ISM1: variants seen among roughly 807,000 people sequenced by gnomAD.
ISM1 encodes the protein isthmin-1.
ISM1 carries 25 observed loss-of-function variants against 46.3 expected under a neutral mutation model. That is an observed-to-expected ratio of 0.54 (90% confidence interval 0.39 to 0.75). The LOEUF is 0.75. Ranked by LOEUF, ISM1 falls within the 30% of genes least tolerant of loss-of-function variation. The pLI, the probability that ISM1 is intolerant of heterozygous loss-of-function variation, is 0.00. For missense variants in ISM1, 536 were observed against 625.4 expected, an observed-to-expected ratio of 0.86 and a Z score of 1.52; for synonymous variants, 255 against 256.7, an observed-to-expected ratio of 0.99 and a Z score of 0.06.
Position 13,221,934 on chromosome 20 carries a change from G to A in ISM1, c.138+20G>A. The stretch of plus-strand genomic sequence containing the variant: ...CTGCAGGTGAGTGCGCCGCCGGAGA[G>A]GGCCGTGCGCGGCTGCGGGGACGGT... On this transcript the variant is annotated intron_variant, in intron 1 of 5. Coordinates refer to ENST00000262487, the MANE Select transcript of ISM1 (RefSeq NM_080826.2). The A allele has an allele frequency of 1.5e-6, 2 of 1,320,732 alleles. No homozygotes were observed. Among genetic ancestry groups the A allele is most frequent in the Non-Finnish European group, 1.9e-6 (2 of 1,040,476 alleles). 81.8% of individuals were successfully genotyped at this position (1,320,732 alleles called of 1,614,324 possible).
the ISM1 span, among the ~76,000 whole-genome samples, chr20:13,320,122 A>G: frequency 2.0e-5 from 3 of 152,188 alleles, no homozygotes; most frequent in South Asian, 4.1e-4. Context: ...GTGAGAAGCA[A>G]TCTATACCTC....
chr20:13,298,300 T>G (rs2040425951), intron 5 of ISM1, among the ~76,000 whole-genome samples: 1 of 152,082 alleles, frequency 6.6e-6, no homozygotes, highest in Non-Finnish European at 1.5e-5. Context: ...AGAGACGGGG[T>G]TTCACCTTGT....
At chr20:13,289,260 T>C (rs528208106) in intron 4 of ISM1, among the ~76,000 whole-genome samples, 1 of 152,172 alleles carries the variant, frequency 6.6e-6, no homozygotes, top group Non-Finnish European at 1.5e-5. Flanking sequence ...GTGGGATTTG[T>C]TGTCCCTTGA....
chr20:13,293,881 G>C (rs1327843867), intron 5 of ISM1, among the ~76,000 whole-genome samples: 4 of 152,044 alleles, frequency 2.6e-5, no homozygotes, highest in Non-Finnish European at 5.9e-5. Context: ...GGCTGAGGCA[G>C]GAGAATCACT....
chr20:13,270,055 G>T (rs562134746), intron 1 of ISM1, among the ~76,000 whole-genome samples: 5 of 152,236 alleles, frequency 3.3e-5, no homozygotes, highest in African/African-American at 1.2e-4. Flanking sequence ...TATGGCCCAA[G>T]AACTATATCC....
In ISM1 at chr20:13,231,751, T is replaced by C. The variant is rs528723532; in HGVS notation, c.138+9837T>C. 7.0e-4 allele frequency among the ~76,000 whole-genome samples: 107 copies of C among 152,260 alleles called. No homozygotes were observed. The Middle Eastern group carries it at 0.017, about 24-fold the overall frequency. On this transcript the variant is annotated intron_variant, in intron 1 of 5. Transcript: ENST00000262487. ...ACACCCACATTCCCCATGGAAGAGA[T>C]AGTACTGCGAGGTTCATGGAATAGA...
At chr20:13,247,515 G>A (rs915504267) in intron 1 of ISM1, among the ~76,000 whole-genome samples, 2 of 105,642 alleles carry the variant, frequency 1.9e-5, no homozygotes, top group Non-Finnish European at 2.0e-5. Context: ...AGCAAAGTGA[G>A]GGGTGTGTGT....
At chr20:13,255,943 A>T (rs1263400702) in intron 1 of ISM1, among the ~76,000 whole-genome samples, 3 of 150,626 alleles carry the variant, frequency 2.0e-5, no homozygotes, top group Non-Finnish European at 3.0e-5. Context: ...TTTTGGTGTG[A>T]CTGCAGTTAT....
At chr20:13,240,042 G>A (rs1482906412) in intron 1 of ISM1, among the ~76,000 whole-genome samples, 1 of 152,188 alleles carries the variant, frequency 6.6e-6, no homozygotes, top group Non-Finnish European at 1.5e-5. Flanking sequence ...GACATGAATT[G>A]TCTCTTTTAT....
At chr20:13,279,037 A>G (rs2040210207) in intron 2 of ISM1, among the ~76,000 whole-genome samples, 1 of 152,230 alleles carries the variant, frequency 6.6e-6, no homozygotes, top group African/African-American at 2.4e-5. Context: ...AGAGTGAATC[A>G]CATGGCTAAT....
chr20:13,244,577 C>T (rs78067812), intron 1 of ISM1, among the ~76,000 whole-genome samples: 6,121 of 152,154 alleles, frequency 0.04, 188 homozygotes, highest in African/African-American at 0.078. Flanking sequence ...ATTAAAGATA[C>T]TTATTTAGCA....
At chr20:13,269,584 GCTTC>G (rs1416265111) in intron 1 of ISM1, among the ~76,000 whole-genome samples, 1 of 152,102 alleles carries the variant, frequency 6.6e-6, no homozygotes, top group Non-Finnish European at 1.5e-5. Flanking sequence ...GGACTTGAGT[GCTTC>G]CTTTGCTGTT....
At chr20:13,319,145 C>T in the ISM1 span, among the ~76,000 whole-genome samples, 1 of 152,066 alleles carries the variant, frequency 6.6e-6, no homozygotes, top group Non-Finnish European at 1.5e-5. Flanking sequence ...AATCTCTGTT[C>T]CTTCTGTTCA....
At chr20:13,306,564 C>CAAA in the ISM1 span, among the ~76,000 whole-genome samples, 6,456 of 63,774 alleles carry the variant, frequency 0.1, 478 homozygotes, top group Middle Eastern at 0.12. Flanking sequence ...GGAGAAAGGA[C>CAAA]AAAAAAAAAA....
At position 13,221,880 on chromosome 20, in the gene ISM1, C is replaced by G; in HGVS notation, c.104C>G (p.Ala35Gly). 1 of 1,407,620 alleles carries G rather than the reference C, an allele frequency of 7.1e-7. No homozygotes were observed. The highest frequency in any genetic ancestry group is 1.5e-5 in the South Asian group (1 of 65,168). 87.2% of individuals were successfully genotyped at this position (1,407,620 alleles called of 1,614,324 possible). A position where few individuals can be genotyped will look rare whatever the true frequency, so the allele number is the denominator to read the frequency against. The change falls in exon 1 of 6, where the codon GCG becomes GGG. Residue 35 changes from alanine (A) to glycine (G), a missense_variant. By Grantham distance (60) the Ala-to-Gly change is moderately conservative. Transcript: ENST00000262487. ...RGSGAADGPD[A>G]AAGNASQAQL... ...TCGGGAGCCGCCGACGGGCCCGACG[C>G]GGCCGCGGGCAACGCCAGCCAAGCC...
chr20:13,231,474 G>A (rs2039587607), intron 1 of ISM1, among the ~76,000 whole-genome samples: 1 of 152,170 alleles, frequency 6.6e-6, no homozygotes, highest in African/African-American at 2.4e-5. Context: ...TACTATCTTA[G>A]GTGGGAGGAT....
At chr20:13,241,948 G>A (rs182000791) in intron 1 of ISM1, among the ~76,000 whole-genome samples, 43 of 152,158 alleles carry the variant, frequency 2.8e-4, no homozygotes, top group Admixed American at 2.2e-3. Context: ...GTTGAGGGCC[G>A]TTGCAAGGAA....
chr20:13,298,941 G>A lies in ISM1; in HGVS notation c.878-1G>A. 1 of 1,612,576 alleles carries A rather than the reference G, an allele frequency of 6.2e-7. No individual in the cohort carries two copies. The highest frequency in any genetic ancestry group is 8.5e-7 in the Non-Finnish European group (1 of 1,179,114). On this transcript the variant is annotated splice_acceptor_variant, in intron 5 of 5. Transcript: ENST00000262487. LOFTEE classifies it high-confidence loss of function. ...GAGGGTTTCTCTTTGGCCTTTTCCAGACACAGACAGCTGTGAGCGCTGGAT... is the reference window on the plus strand; with the variant it reads ...GAGGGTTTCTCTTTGGCCTTTTCCAAACACAGACAGCTGTGAGCGCTGGAT...
At chr20:13,282,604 G>A (rs1600549438) in intron 3 of ISM1, among the ~76,000 whole-genome samples, 1 of 152,162 alleles carries the variant, frequency 6.6e-6, no homozygotes, top group Non-Finnish European at 1.5e-5. Context: ...TCAGGAGCTC[G>A]TAGCATGCCT....
Sources: gnomAD v4.1 joint callset for allele counts (sites outside exome capture counted in the v4.1 genomes callset) on GRCh38, gnomAD v4.1.1 for gene constraint, MANE v1.5 for transcripts, NCBI Gene and HGNC (gene_info 2026-07-23, HGNC 2026-07-21) for gene names.